Variants in ZNF619 observed in about 807,000 individuals in gnomAD.
ZNF619 encodes zinc finger protein 619.
ZNF619 carries 9 observed loss-of-function variants against 14.2 expected under a neutral mutation model. That is an observed-to-expected ratio of 0.64 (90% CI 0.38 to 1.11). The LOEUF (loss-of-function observed/expected upper bound fraction) is 1.11. Among genes scored for constraint, ZNF619 ranks in the 50% least tolerant of loss-of-function variants. The pLI is 0.01. For missense variants in ZNF619, 659 were observed against 680.1 expected (o/e 0.97, Z 0.34); for synonymous variants, 246 against 252.8 (o/e 0.97, Z 0.26).
chr3:40,477,755 A>C (rs988490886), intron 1 of ZNF619, 163 bp from the exon 2 acceptor site: 1 of 558,446 alleles, frequency 1.8e-6, no homozygotes. Flanking sequence ...ATAGGAGAAT[A>C]TGCAGAGGGA....
At chr3:40,482,747 C>T in intron 4 of ZNF619, 43 bp downstream of exon 4, 1 of 1,467,498 alleles carries the variant, frequency 6.8e-7, no homozygotes, top group Non-Finnish European at 9.3e-7. Flanking sequence ...GCTTTGCCTC[C>T]TCCTTTCTTT....
At position 40,488,518 on chromosome 3, in the gene ZNF619, G is replaced by T; in HGVS notation, c.*277G>T. On this transcript the variant is annotated 3_prime_UTR_variant, in exon 5 of 5. Coordinates refer to ENST00000432264, the MANE Select transcript of ZNF619 (RefSeq NM_001145093.4). Reference sequence around the variant, plus strand: ...GCTACTGGAGTTGGAAGAGTTTGCAGAACATTTTGGGGTTTAGGGCATATG... The same window carrying T: ...GCTACTGGAGTTGGAAGAGTTTGCATAACATTTTGGGGTTTAGGGCATATG... The T allele has an allele frequency of 2.4e-6, 1 of 413,202 alleles. No individual in the cohort carries two copies. The highest frequency in any genetic ancestry group is 4.3e-6 in the Non-Finnish European group (1 of 233,810). The allele number at this position is 413,202 out of a possible 1,614,324, so 25.6% of individuals were successfully genotyped here.
chr3:40,486,292 C>CACACT (rs1697576481), intron 4 of ZNF619, among the ~76,000 whole-genome samples: 1 of 152,202 alleles, frequency 6.6e-6, no homozygotes, highest in African/African-American at 2.4e-5. Context: ...TTCTGCCATC[C>CACACT]ACACTGTTTT....
At chr3:40,485,752 A>G (rs1414996243) in intron 4 of ZNF619, among the ~76,000 whole-genome samples, 2 of 152,044 alleles carry the variant, frequency 1.3e-5, no homozygotes, top group African/African-American at 2.4e-5. Context: ...TGAAAGTTTC[A>G]TTTGTCAGAT....
In ZNF619 at chr3:40,487,545, A is replaced by G. The variant is rs562250771; in HGVS notation, c.1035A>G (p.Glu345=). ...TTCACAATGGGGAGAAGCCCTATGA[A>G]TGTAAGGAGTGTGGGAAGAGTTTGA... ...ERIHNGEKPY[E]CKECGKSLSS... is the part of the protein sequence containing the mutation. Residue 345 remains glutamate, a synonymous_variant, in exon 5 of 5, where the codon GAA becomes GAG. Transcript: ENST00000432264. The G allele has an allele frequency of 4.3e-6, 7 of 1,614,178 alleles. No homozygotes were observed. Among genetic ancestry groups the G allele is most frequent in the Non-Finnish European group, 5.9e-6 (7 of 1,180,034 alleles).
At chr3:40,478,876 T>A (rs1697288563) in intron 2 of ZNF619, among the ~76,000 whole-genome samples, 1 of 152,176 alleles carries the variant, frequency 6.6e-6, no homozygotes. Context: ...TCAGCAAAAA[T>A]TCATTCCTAC....
intron 1 of ZNF619, chr3:40,477,629 G>A (rs1005239658): frequency 9.6e-6 from 3 of 313,368 alleles, no homozygotes; most frequent in African/African-American, 6.4e-5. Context: ...GTTTAGTAAT[G>A]CATTCATAGT....
At position 40,488,506 on chromosome 3, in the gene ZNF619, G is replaced by A; in HGVS notation, c.*265G>A. 4.6e-6 allele frequency: 2 copies of A among 434,040 alleles called. No homozygotes were observed. The highest frequency in any genetic ancestry group is 8.1e-6 in the Non-Finnish European group (2 of 246,754). The allele number at this position is 434,040 out of a possible 1,614,324, so 26.9% of individuals were successfully genotyped here. On this transcript the variant is annotated 3_prime_UTR_variant, in exon 5 of 5. Coordinates refer to ENST00000432264, the MANE Select transcript of ZNF619 (RefSeq NM_001145093.4). ...CTCTCTTCTGGGGCTACTGGAGTTG[G>A]AAGAGTTTGCAGAACATTTTGGGGT...
chr3:40,478,063 C>T (rs933219768), intron 2 of ZNF619, 60 bp downstream of exon 2: 4 of 1,485,986 alleles, frequency 2.7e-6, no homozygotes, highest in African/African-American at 2.8e-5. Context: ...GTCAGTACAG[C>T]CCCAGTAGCC....
intron 4 of ZNF619, among the ~76,000 whole-genome samples, chr3:40,486,423 C>T (rs1301714223): frequency 2.0e-5 from 3 of 152,140 alleles, no homozygotes; most frequent in Admixed American, 6.5e-5. Flanking sequence ...CGTGGTGGCT[C>T]ACACCTGTAA....
At chr3:40,477,591 T>C (rs1026496844) in intron 1 of ZNF619, among the ~76,000 whole-genome samples, 1 of 152,212 alleles carries the variant, frequency 6.6e-6, no homozygotes, top group African/African-American at 2.4e-5. Flanking sequence ...GTTTTTGCCA[T>C]GAACACTAGA....
intron 4 of ZNF619, among the ~76,000 whole-genome samples, chr3:40,486,556 C>T (rs1271786456): frequency 1.3e-5 from 2 of 152,024 alleles, no homozygotes; most frequent in East Asian, 3.9e-4. Context: ...AAAAAATTAG[C>T]CGGGTGTGGT....
At position 40,490,693 on chromosome 3, in the gene ZNF619, A is replaced by T. The variant is rs1268712079; in HGVS notation, c.*2452A>T. On this transcript the variant is annotated 3_prime_UTR_variant, in exon 5 of 5. Transcript: ENST00000432264. ...ATATTTACTAAATATAATTTCTCTTATGATTTTCTTAATATTTTCTCTAGC... is the reference window on the plus strand; with the variant it reads ...ATATTTACTAAATATAATTTCTCTTTTGATTTTCTTAATATTTTCTCTAGC... Among the ~76,000 whole-genome samples, 1 of 124,116 alleles carries T rather than the reference A, an allele frequency of 8.1e-6. No homozygotes were observed. Among genetic ancestry groups the T allele is most frequent in the Non-Finnish European group, 1.6e-5 (1 of 61,732 alleles). 81.4% of individuals were successfully genotyped at this position (124,116 alleles called of 152,430 possible).
At chr3:40,478,724 T>C (rs1017719454) in intron 2 of ZNF619, among the ~76,000 whole-genome samples, 5 of 152,182 alleles carry the variant, frequency 3.3e-5, no homozygotes, top group Non-Finnish European at 5.9e-5. Flanking sequence ...TTTTCTCCAG[T>C]GTCCTAGATC....
At position 40,482,675 on chromosome 3, in the gene ZNF619, G is replaced by A. The variant is rs202228226; in HGVS notation, c.266G>A (p.Gly89Glu). 33 of 1,614,034 alleles carry A rather than the reference G, an allele frequency of 2.0e-5. No individual in the cohort carries two copies. The highest frequency in any genetic ancestry group is 6.7e-5 in the East Asian group (3 of 44,878). Residue 89 changes from glycine to glutamate, a missense_variant, in exon 4 of 5, where the codon GGG (glycine) becomes GAG (glutamate). Physicochemically the swap from Gly to Glu is moderately conservative, Grantham distance 98. Transcript: ENST00000432264. Reference sequence around the variant, plus strand: ...GGCCCAGATCCCTGGACACTTGCTGGGGGAGAGGCCCTGAGAGGCATGTGC... The same window carrying A: ...GGCCCAGATCCCTGGACACTTGCTGAGGGAGAGGCCCTGAGAGGCATGTGC... ...AWGPDPWTLA[G>E]GEALRGMCTG...
At chr3:40,480,054 T>TA (rs780686581) in intron 2 of ZNF619, among the ~76,000 whole-genome samples, 2 of 152,160 alleles carry the variant, frequency 1.3e-5, no homozygotes, top group African/African-American at 2.4e-5. Context: ...CTGGAGAAGC[T>TA]AAGTGTTTCA....
At position 40,488,436 on chromosome 3, in the gene ZNF619, T is replaced by TA. The variant is rs1697712957; in HGVS notation, c.*196dup. ...TCCCCCGGTAGGAAATGGCAGTACT[T>TA]ATTCTTTATCGTGTCCACATTTGGG... On this transcript the variant is annotated 3_prime_UTR_variant, in exon 5 of 5. Transcript: ENST00000432264. The TA allele has an allele frequency of 1.8e-6, 1 of 561,864 alleles. No individual in the cohort carries two copies. The highest frequency in any genetic ancestry group is 3.1e-6 in the Non-Finnish European group (1 of 320,324). 34.8% of individuals were successfully genotyped at this position (561,864 alleles called of 1,614,324 possible). A position where few individuals can be genotyped will look rare whatever the true frequency, so the allele number is the denominator to read the frequency against.
Position 40,487,117 on chromosome 3 carries a change from T to G in ZNF619, c.607T>G (p.Phe203Val), listed in dbSNP as rs984837161. The G allele has an allele frequency of 6.2e-7, 1 of 1,613,990 alleles. No homozygotes were observed. Among genetic ancestry groups the G allele is most frequent in the African/African-American group, 1.3e-5 (1 of 74,922 alleles). ...TKQGFAKEQV[F>V]YKCGECGSYY... The stretch of plus-strand genomic sequence containing the variant: ...GCAGGGTTTTGCCAAAGAACAGGTG[T>G]TTTATAAATGTGGTGAGTGTGGCAG... Residue 203 changes from phenylalanine to valine, a missense_variant, in exon 5 of 5, where the codon TTT (phenylalanine) becomes GTT (valine). Physicochemically the swap from Phe to Val is conservative, Grantham distance 50 (BLOSUM62 -1). Transcript: ENST00000432264.
rs564461067 is a variant in ZNF619 at position 40,488,104 on chromosome 3, G to C, written c.1594G>C (p.Val532Leu). ...ACATGCAGTGGTACTTCCTCCCTCT[G>C]TGCCTTTCTTCCTGCTGCTTCCCTC... Reference protein sequence around the residue: ...SSHAVVLPPSVPFFLLLPSSE... With the variant: ...SSHAVVLPPSLPFFLLLPSSE... The change falls in exon 5 of 5, where the codon GTG (valine) becomes CTG (leucine). Residue 532 changes from valine to leucine, a missense_variant. Physicochemically the swap from Val to Leu is conservative, Grantham distance 32. Coordinates refer to ENST00000432264, the MANE Select transcript of ZNF619 (RefSeq NM_001145093.4). The C allele has an allele frequency of 6.9e-5, 111 of 1,614,142 alleles. No homozygotes were observed. In the South Asian group the frequency reaches 1.2e-3, roughly 17 times the overall value.
Sources: allele counts gnomAD v4.1 joint callset (sites outside exome capture counted in the v4.1 genomes callset), GRCh38; gene constraint gnomAD v4.1.1; transcripts MANE v1.5; gene names NCBI Gene and HGNC (gene_info 2026-07-23, HGNC 2026-07-21).